The following PAX4 variants were observed in gnomAD, a reference collection of about 807,000 sequenced individuals.
The protein encoded by PAX4 is paired box protein Pax-4.
A neutral mutation model predicts 40.6 loss-of-function variants in PAX4; 33 were observed. The observed-to-expected ratio is 0.81, with a 90% CI of 0.62 to 1.09. The LOEUF (loss-of-function observed/expected upper bound fraction) is 1.09, where lower values mean the gene tolerates loss of function less well. PAX4 is among the 50% of genes least tolerant of loss of function. PAX4 has a pLI of 0.00. For synonymous variants in PAX4, 174 were observed against 170.6 expected (o/e 1.02, Z -0.16); for missense variants, 459 against 442.5 (o/e 1.04, Z -0.33).
At chr7:127,612,077 G>T in intron 9 of PAX4, 77 bp from the exon 10 acceptor site, 1 of 1,411,036 alleles carries the variant, frequency 7.1e-7, no homozygotes, top group Non-Finnish European at 9.9e-7. Flanking sequence ...GAGGCAGGAA[G>T]GTTGGATACA....
intron 2 of PAX4, among the ~76,000 whole-genome samples, chr7:127,616,837 A>G (rs1208180823): frequency 6.6e-6 from 1 of 152,238 alleles, no homozygotes; most frequent in African/African-American, 2.4e-5. Context: ...CTGTCCGCTG[A>G]GCAACATAGA....
chr7:127,611,405 T>C (rs1002607589), intron 11 of PAX4, 130 bp downstream of exon 11: 5 of 1,563,724 alleles, frequency 3.2e-6, no homozygotes, highest in South Asian at 1.2e-5. Context: ...TTGTGGACCA[T>C]GCAAAGAATG....
rs770355154 is a variant in PAX4, at chr7:127,613,789, A to C, written c.529T>G (p.Phe177Val). 5.6e-6 allele frequency: 9 copies of C among 1,614,012 alleles called. No homozygotes were observed. In the South Asian group the frequency reaches 8.8e-5, roughly 16 times the overall value. ...AGTGCCTCTGCTTGGCTTGGGGAGA[A>C]GATAGTCCGATTCCGGTGGCCGGTC... ...PGTGHRNRTI[F>V]SPSQAEALEK... Residue 177 changes from phenylalanine (F) to valine (V), a missense_variant, in exon 7 of 12, where the codon TTC becomes GTC. Coordinates refer to ENST00000639438, the MANE Select transcript of PAX4 (RefSeq NM_001366110.1).
intron 9 of PAX4, among the ~76,000 whole-genome samples, chr7:127,612,512 T>C (rs535682534): frequency 5.5e-5 from 8 of 146,098 alleles, no homozygotes; most frequent in Admixed American, 4.8e-4. Flanking sequence ...GATGGATGGA[T>C]AAATGGATAG....
chr7:127,612,269 AGCACAGG>A (rs1166696770), intron 9 of PAX4, among the ~76,000 whole-genome samples: 1 of 152,264 alleles, frequency 6.6e-6, no homozygotes. Flanking sequence ...CCCAGCATCT[AGCACAGG>A]GTCTGGCACT....
At chr7:127,615,207 C>G in intron 4 of PAX4, 112 bp from the exon 5 acceptor site, 1 of 1,598,826 alleles carries the variant, frequency 6.3e-7, no homozygotes, top group South Asian at 1.1e-5. Flanking sequence ...TGGACCAGGC[C>G]ATGAAGTCGG....
At position 127,614,740 on chromosome 7, in the gene PAX4, AAAG is replaced by A. The variant is rs1794695704; in HGVS notation, c.360+137_360+139del. The A allele has an allele frequency of 3.8e-6, 5 of 1,314,480 alleles. No homozygotes were observed. The East Asian group carries it at 1.3e-4, about 33-fold the overall frequency. 81.4% of individuals were successfully genotyped at this position (1,314,480 alleles called of 1,614,324 possible). ...ATCCTCTTATTACCACCACTTTTCA[AAAG>A]AAAAACTTATGGGTCAGAATTGCCC... On this transcript the variant is annotated intron_variant, in intron 5 of 11. Transcript: ENST00000639438.
intron 6 of PAX4, 100 bp downstream of exon 6, chr7:127,614,382 T>G: frequency 1.1e-6 from 1 of 916,502 alleles, no homozygotes; most frequent in Non-Finnish European, 1.8e-6. Context: ...TATTGGGTTG[T>G]TGTGAGGGTG....
chr7:127,613,467 G>C lies in PAX4; in HGVS notation c.628C>G (p.Pro210Ala), dbSNP rs200430538. 1 of 1,614,070 alleles carries C rather than the reference G, an allele frequency of 6.2e-7. No individual in the cohort carries two copies. Among genetic ancestry groups the C allele is most frequent in the Non-Finnish European group, 8.5e-7 (1 of 1,179,950 alleles). Reference protein sequence around the residue: ...RGKLATATSLPEDTVRVWFSN... With the variant: ...RGKLATATSLAEDTVRVWFSN... ...TCACTCACCCTCACCGTGTCCTCAG[G>C]CAGAGAGGTGGCAGTAGCCAGCTTT... is the stretch of plus-strand genomic sequence containing the variant. The change falls in exon 8 of 12, where the codon CCT becomes GCT. Residue 210 changes from proline (P) to alanine (A), a missense_variant. Pro to Ala is a conservative substitution (Grantham distance 27). Transcript: ENST00000639438.
At chr7:127,612,670 G>T (rs909112328) in intron 9 of PAX4, among the ~76,000 whole-genome samples, 1 of 150,806 alleles carries the variant, frequency 6.6e-6, no homozygotes, top group African/African-American at 2.4e-5. Context: ...TGGGTGTGGT[G>T]GGTGGATGAT....
intron 11 of PAX4, 147 bp downstream of exon 11, chr7:127,611,388 C>T (rs1046540692): frequency 4.3e-5 from 66 of 1,521,934 alleles, no homozygotes; most frequent in East Asian, 1.8e-4. Context: ...TACTAGTCTC[C>T]GTAATTTTGT....
In PAX4 at chr7:127,613,544, G is replaced by T; in HGVS notation, c.563-12C>A. On this transcript the variant is annotated splice_polypyrimidine_tract_variant and intron_variant, in intron 7 of 11. Coordinates refer to ENST00000639438, the MANE Select transcript of PAX4 (RefSeq NM_001366110.1). ...CCCACGCTGGAACTCTGCGGAGATC[G>T]AGTCTCACAAAGTAAGGGCACCGGG... 1.2e-6 allele frequency: 2 copies of T among 1,613,922 alleles called. No individual in the cohort carries two copies. Among genetic ancestry groups the T allele is most frequent in the East Asian group, 4.5e-5 (2 of 44,862 alleles).
Position 127,610,838 on chromosome 7 carries a change from G to A in PAX4, c.*226C>T, listed in dbSNP as rs1394136794. On this transcript the variant is annotated 3_prime_UTR_variant, in exon 12 of 12. Transcript: ENST00000639438. ...AAACAGCTTTTATTACTGCTGAGTG[G>A]AGGCCTCTTAAGGCTAGTGTGAGAA... 1.3e-6 allele frequency: 2 copies of A among 1,524,258 alleles called. No homozygotes were observed. Among genetic ancestry groups the A allele is most frequent in the African/African-American group, 1.4e-5 (1 of 72,774 alleles). 94.4% of individuals were successfully genotyped at this position (1,524,258 alleles called of 1,614,324 possible).
In PAX4 at chr7:127,610,315, C is replaced by G. The variant is rs770648451; in HGVS notation, c.*749G>C. The G allele has an allele frequency of 6.4e-6, 1 of 155,648 alleles. No individual in the cohort carries two copies. The highest frequency in any genetic ancestry group is 1.4e-5 in the Non-Finnish European group (1 of 70,236). The allele number at this position is 155,648 out of a possible 1,614,324, so 9.6% of individuals were successfully genotyped here. A position where few individuals can be genotyped will look rare whatever the true frequency, so the allele number is the denominator to read the frequency against. On this transcript the variant is annotated 3_prime_UTR_variant, in exon 12 of 12. Transcript: ENST00000639438. ...GCAGAATATGAAAAATGGCATTTCA[C>G]TCTGTTTGCTGCTATGACAAAAATA...
rs114202595 is a variant in PAX4 at position 127,614,533 on chromosome 7, G to A, written c.385C>T (p.Arg129Trp). The stretch of plus-strand genomic sequence containing the variant: ...AGTCCCTGGTCCTCCTGTAATGCCC[G>A]CAGGACTCGGTTGATGGAGGAGACC... ...PSVSSINRVL[R>W]ALQEDQGLPC... The change falls in exon 6 of 12, where the codon CGG becomes TGG. Residue 129 changes from arginine (R) to tryptophan (W), a missense_variant. Transcript: ENST00000639438. The A allele has an allele frequency of 4.9e-4, 787 of 1,594,826 alleles. 9 individuals carry two copies. In the East Asian group the frequency reaches 0.015, roughly 30 times the overall value.
intron 9 of PAX4, among the ~76,000 whole-genome samples, chr7:127,612,315 A>G (rs976134600): frequency 1.3e-5 from 2 of 152,164 alleles, no homozygotes; most frequent in Non-Finnish European, 1.5e-5. Context: ...TATTGGATGG[A>G]TGGGTGGATG....
chr7:127,616,200 G>T (rs1401250828), intron 2 of PAX4, among the ~76,000 whole-genome samples, 173 bp from the exon 3 acceptor site: 2 of 152,202 alleles, frequency 1.3e-5, no homozygotes, highest in Non-Finnish European at 2.9e-5. Context: ...AAACACTGCA[G>T]GTTGGCTGAG....
In PAX4 at chr7:127,613,746, A is replaced by C; in HGVS notation, c.562+10T>G. Reference sequence around the variant, plus strand: ...GACTCTCTGACCCTCCATCTGTCCCAGCCCAGCACCTTTCTCCAGTGCCTC... The same window carrying C: ...GACTCTCTGACCCTCCATCTGTCCCCGCCCAGCACCTTTCTCCAGTGCCTC... On this transcript the variant is annotated intron_variant, in intron 7 of 11. Coordinates refer to ENST00000639438, the MANE Select transcript of PAX4 (RefSeq NM_001366110.1). The C allele has an allele frequency of 3.1e-6, 5 of 1,613,790 alleles. No homozygotes were observed. The highest frequency in any genetic ancestry group is 4.2e-6 in the Non-Finnish European group (5 of 1,179,932).
chr7:127,610,370 T>TACAAAATACATATG lies in PAX4; in HGVS notation c.*680_*693dup, dbSNP rs562861443. On this transcript the variant is annotated 3_prime_UTR_variant, in exon 12 of 12. Transcript: ENST00000639438. The stretch of plus-strand genomic sequence containing the variant: ...TGCAAATACAAAATACATATGCAAA[T>TACAAAATACATATG]ACAAAATACATATGACAAAATACAT... 6.4e-6 allele frequency: 1 copy of TACAAAATACATATG among 156,494 alleles called. No individual in the cohort carries two copies. Among genetic ancestry groups the TACAAAATACATATG allele is most frequent in the African/African-American group, 2.4e-5 (1 of 41,070 alleles). The allele number at this position is 156,494 out of a possible 1,614,324, so 9.7% of individuals were successfully genotyped here. A position where few individuals can be genotyped will look rare whatever the true frequency, so the allele number is the denominator to read the frequency against.
Sources: gnomAD v4.1 joint callset for allele counts (sites outside exome capture counted in the v4.1 genomes callset) on GRCh38, gnomAD v4.1.1 for gene constraint, MANE v1.5 for transcripts, NCBI Gene and HGNC (gene_info 2026-07-23, HGNC 2026-07-21) for gene names.